SETD1B: variants seen among roughly 807,000 people sequenced by gnomAD.
The protein encoded by SETD1B is SET domain containing 1B, histone lysine methyltransferase.
SETD1B carries 7 observed loss-of-function variants against 148.0 expected under a neutral mutation model. The ratio of observed to expected loss-of-function variants is 0.05; its 90% CI spans 0.03 to 0.09. The LOEUF is 0.09. Ranked by LOEUF, SETD1B falls within the 10% of genes least tolerant of loss-of-function variation. The probability of loss-of-function intolerance (pLI) is 1.00; values close to 1 mark genes in which losing one functional copy is unlikely to be tolerated. For synonymous variants in SETD1B, 1,361 were observed against 1,186.5 expected (o/e 1.15, Z -3.02); for missense variants, 2,155 against 2,729.9 (o/e 0.79, Z 4.69).
rs933868255 is a variant in SETD1B, at chr12:121,823,302, C to A, written c.4723C>A (p.Arg1575=). ...CCCCCGGACGGTGACCCTGGACTTC[C>A]GGAACGCGGGGATCCCAGCCCCTCC... ...HDPRTVTLDF[R]NAGIPAPPPP... The change falls in exon 12 of 17, where the codon CGG becomes AGG. Residue 1575 remains arginine, a synonymous_variant. Transcript: ENST00000604567. The A allele has an allele frequency of 2.6e-5, 41 of 1,548,748 alleles. No homozygotes were observed. Among genetic ancestry groups the A allele is most frequent in the African/African-American group, 4.1e-5 (3 of 72,924 alleles).
Position 121,814,259 on chromosome 12 carries a change from C to T in SETD1B, c.2044C>T (p.Pro682Ser). The change falls in exon 7 of 17, where the codon CCC becomes TCC. Residue 682 changes from proline (P) to serine (S), a missense_variant. Pro to Ser is a moderately conservative substitution (Grantham distance 74, BLOSUM62 -1). Transcript: ENST00000604567. ...PSVLAPTLPL[P>S]PPPGFPPLPP... ...TGTGCTAGCCCCAACCCTGCCGCTG[C>T]CCCCGCCACCTGGCTTCCCCCCGCT... The T allele has an allele frequency of 1.9e-6, 2 of 1,074,344 alleles. No individual in the cohort carries two copies. Among genetic ancestry groups the T allele is most frequent in the Non-Finnish European group, 2.5e-6 (2 of 795,802 alleles). 66.6% of individuals were successfully genotyped at this position (1,074,344 alleles called of 1,614,324 possible). A position where few individuals can be genotyped will look rare whatever the true frequency, so the allele number is the denominator to read the frequency against.
the SETD1B span, among the ~76,000 whole-genome samples, chr12:121,798,861 T>C: frequency 2.0e-5 from 3 of 152,098 alleles, no homozygotes; most frequent in Non-Finnish European, 2.9e-5. Context: ...GACACTGAGA[T>C]GGGAAACTAT....
At chr12:121,811,485 C>T (rs1311366200) in intron 6 of SETD1B, among the ~76,000 whole-genome samples, 1 of 152,176 alleles carries the variant, frequency 6.6e-6, no homozygotes, top group South Asian at 2.1e-4. Context: ...AGTTGACCAT[C>T]CCCCACCCTC....
Position 121,817,403 on chromosome 12 carries a change from A to G in SETD1B, c.3011A>G (p.Asp1004Gly), listed in dbSNP as rs1039432987. Residue 1004 changes from aspartate to glycine, a missense_variant, in exon 9 of 17, where the codon GAC becomes GGC. Coordinates refer to ENST00000604567, the MANE Select transcript of SETD1B (RefSeq NM_001353345.2). This position sits in a 1 kb window ranked among gnomAD's most constrained non-coding sequence, Gnocchi z 8.1. ...CGAGAGCGAGACCGGGATATGGCAG[A>G]CACCCCCTGTGAGCTCGCCAAGCGG... ...SERERDRDMADTPCELAKRDP... is the reference protein window; with the variant it reads ...SERERDRDMAGTPCELAKRDP... 80 of 1,531,842 alleles carry G rather than the reference A, an allele frequency of 5.2e-5. No individual in the cohort carries two copies. Among genetic ancestry groups the G allele is most frequent in the Non-Finnish European group, 6.9e-5 (78 of 1,134,270 alleles). The allele number at this position is 1,531,842 out of a possible 1,614,324, so 94.9% of individuals were successfully genotyped here.
At chr12:121,821,164 C>G (rs891274675) in intron 11 of SETD1B, among the ~76,000 whole-genome samples, 1 of 152,152 alleles carries the variant, frequency 6.6e-6, no homozygotes, top group African/African-American at 2.4e-5. Flanking sequence ...AACATTGACT[C>G]AATACTAAGC....
At chr12:121,818,004 G>A (rs1245002722) in intron 10 of SETD1B, 100 bp downstream of exon 10, 1 of 1,239,088 alleles carries the variant, frequency 8.1e-7, no homozygotes, top group Non-Finnish European at 1.1e-6. Flanking sequence ...CCAAAATGTT[G>A]TGCTTTTGAG....
At chr12:121,809,463 C>A in intron 5 of SETD1B, 140 bp from the exon 6 acceptor site, 1 of 930,406 alleles carries the variant, frequency 1.1e-6, no homozygotes, top group Non-Finnish European at 1.6e-6. Context: ...CCTCCTCAAT[C>A]TCCCCCACTT....
chr12:121,828,193 G>A (rs1876932918), intron 16 of SETD1B, 123 bp downstream of exon 16: 3 of 1,333,282 alleles, frequency 2.3e-6, no homozygotes, highest in African/African-American at 2.9e-5. Context: ...GCTCAGGTTG[G>A]CCAAGGGTTA....
At chr12:121,821,874 C>A (rs1261971589) in intron 11 of SETD1B, among the ~76,000 whole-genome samples, 3 of 151,708 alleles carry the variant, frequency 2.0e-5, no homozygotes, top group Admixed American at 1.3e-4. Context: ...TCACTTGAGG[C>A]CAGGAGTTCA....
chr12:121,790,869 A>T, the SETD1B span, among the ~76,000 whole-genome samples: 3 of 151,836 alleles, frequency 2.0e-5, no homozygotes, highest in African/African-American at 4.8e-5. Context: ...GATCTTTTTA[A>T]TTTTTTTTAA....
At position 121,810,703 on chromosome 12, in the gene SETD1B, C is replaced by G. The variant is rs575380414; in HGVS notation, c.1758C>G (p.Leu586=). ...CAGACTCCGACGAGGACGAGGAGCT[C>G]GACCTGGGCCTTGGGCCTCGGCCTC... is the stretch of plus-strand genomic sequence containing the variant. ...PLPDSDEDEE[L]DLGLGPRPPP... is the part of the protein sequence containing the mutation. The change falls in exon 6 of 17, where the codon CTC becomes CTG. Residue 586 remains leucine (L), a synonymous_variant. Transcript: ENST00000604567. This position sits in a 1 kb window ranked among gnomAD's most constrained non-coding sequence, Gnocchi z 7.6. The G allele has an allele frequency of 3.9e-6, 6 of 1,551,168 alleles. No homozygotes were observed. Among genetic ancestry groups the G allele is most frequent in the Non-Finnish European group, 5.2e-6 (6 of 1,146,932 alleles).
rs187789159 is a variant in SETD1B, at chr12:121,827,882, C to T, written c.5589+28C>T. 2.3e-4 allele frequency: 364 copies of T among 1,553,124 alleles called. 1 individual carries two copies. The Admixed American group carries it at 4.7e-3, about 20-fold the overall frequency. Reference sequence around the variant, plus strand: ...AGGCACCGCCCGGCAGGATGGGCACCGGGGTGGGCATGGGGCCGGCCCAGC... The same window carrying T: ...AGGCACCGCCCGGCAGGATGGGCACTGGGGTGGGCATGGGGCCGGCCCAGC... On this transcript the variant is annotated intron_variant, in intron 15 of 16. Transcript: ENST00000604567.
chr12:121,830,492 G>A lies in SETD1B; in HGVS notation c.*253G>A. On this transcript the variant is annotated 3_prime_UTR_variant, in exon 17 of 17. Coordinates refer to ENST00000604567, the MANE Select transcript of SETD1B (RefSeq NM_001353345.2). This position sits in a 1 kb window ranked among gnomAD's most constrained non-coding sequence, Gnocchi z 5.7. ...AACAAACGCCCCTTTCAGGATTTCT[G>A]TTTAACTCCAGCATCAGCTTCTCTC... The A allele has an allele frequency of 7.4e-6, 3 of 404,958 alleles. No homozygotes were observed. The highest frequency in any genetic ancestry group is 8.9e-6 in the Non-Finnish European group (2 of 224,636). 25.1% of individuals were successfully genotyped at this position (404,958 alleles called of 1,614,324 possible). A position where few individuals can be genotyped will look rare whatever the true frequency, so the allele number is the denominator to read the frequency against.
At chr12:121,809,553 T>C in intron 5 of SETD1B, 50 bp from the exon 6 acceptor site, 1 of 1,492,016 alleles carries the variant, frequency 6.7e-7, no homozygotes, top group Non-Finnish European at 9.0e-7. Flanking sequence ...AATAGCCCTG[T>C]TCCATTGCAT....
At chr12:121,793,392 G>A in the SETD1B span, 2 of 1,479,782 alleles carry the variant, frequency 1.4e-6, no homozygotes, top group Non-Finnish European at 1.8e-6. Context: ...CCGGGGTGGC[G>A]GCCGCCTGTC....
rs1239165133 is a variant in SETD1B at position 121,827,730 on chromosome 12, C to T, written c.5470-5C>T. On this transcript the variant is annotated splice_polypyrimidine_tract_variant and splice_region_variant and intron_variant, in intron 14 of 16. Coordinates refer to ENST00000604567, the MANE Select transcript of SETD1B (RefSeq NM_001353345.2). The stretch of plus-strand genomic sequence containing the variant: ...GCTCACCTCTCCCCCTCTTCCCTCC[C>T]ACAGTTCCGGAAGAAAAAGCTCAAG... 1 of 1,551,896 alleles carries T rather than the reference C, an allele frequency of 6.4e-7. No homozygotes were observed. The highest frequency in any genetic ancestry group is 2.4e-5 in the East Asian group (1 of 40,930).
chr12:121,814,291 C>CCCA lies in SETD1B; in HGVS notation c.2088_2090dup (p.Pro699dup), dbSNP rs1012976238. On this transcript the variant is annotated inframe_insertion, in exon 7 of 17. Transcript: ENST00000604567. ...CACCTGGCTTCCCCCCGCTGCCCCCCCCACCACCACCACCCCCACCGCAGC... is the reference window on the plus strand; with the variant it reads ...CACCTGGCTTCCCCCCGCTGCCCCCCCCACCACCACCACCACCCCCACCGCAGC... 7.6e-6 allele frequency: 8 copies of CCCA among 1,047,564 alleles called. No homozygotes were observed. Among genetic ancestry groups the CCCA allele is most frequent in the East Asian group, 4.8e-5 (1 of 21,046 alleles). 64.9% of individuals were successfully genotyped at this position (1,047,564 alleles called of 1,614,324 possible).
At chr12:121,822,132 G>A in intron 11 of SETD1B, among the ~76,000 whole-genome samples, 1 of 152,220 alleles carries the variant, frequency 6.6e-6, no homozygotes, top group Non-Finnish European at 1.5e-5. Flanking sequence ...TAAGTGCTAG[G>A]AAAAAAATCC....
In SETD1B at chr12:121,822,551, A is replaced by G. The variant is rs1018695739; in HGVS notation, c.3972A>G (p.Pro1324=). The G allele has an allele frequency of 2.0e-5, 31 of 1,550,632 alleles. No homozygotes were observed. Among genetic ancestry groups the G allele is most frequent in the Non-Finnish European group, 2.4e-5 (28 of 1,146,552 alleles). Residue 1324 remains proline (P), a synonymous_variant, in exon 12 of 17, where the codon CCA becomes CCG. Transcript: ENST00000604567. ...PMMLPLPLQP[P]LPPPRPPRPP... Reference sequence around the variant, plus strand: ...TGCTCCCCTTGCCGCTGCAACCACCATTGCCGCCCCCACGACCACCCCGGC... The same window carrying G: ...TGCTCCCCTTGCCGCTGCAACCACCGTTGCCGCCCCCACGACCACCCCGGC...
Sources: gnomAD v4.1 joint callset for allele counts (sites outside exome capture counted in the v4.1 genomes callset) on GRCh38, gnomAD v4.1.1 for gene constraint, Gnocchi (gnomAD v3.1) non-coding constraint, MANE v1.5 for transcripts, NCBI Gene and HGNC (gene_info 2026-07-23, HGNC 2026-07-21) for gene names.